Variants in MYRFL observed in about 807,000 individuals in gnomAD.
MYRFL encodes myelin regulatory factor like.
In MYRFL, 88 loss-of-function variants were observed where a neutral mutation model predicts 109.4. The ratio of observed to expected loss-of-function variants is 0.80; its 90% CI spans 0.68 to 0.96. The LOEUF (loss-of-function observed/expected upper bound fraction) is 0.96, where lower values mean the gene tolerates loss of function less well. MYRFL is among the 40% of genes least tolerant of loss of function. The pLI is 0.00. For missense variants in MYRFL, 957 were observed against 954.9 expected (o/e 1.00, Z -0.03); for synonymous variants, 324 against 320.9 (o/e 1.01, Z -0.10).
At chr12:69,917,801 A>G (rs781082685) in intron 13 of MYRFL, among the ~76,000 whole-genome samples, 2 of 152,062 alleles carry the variant, frequency 1.3e-5, no homozygotes, top group African/African-American at 2.4e-5. Flanking sequence ...TGAAAGGAAG[A>G]GAAGTGGTTT....
chr12:69,880,207 A>C lies in MYRFL; in HGVS notation c.471A>C (p.Ser157=), dbSNP rs1469508079. 1.4e-6 allele frequency: 1 copy of C among 702,534 alleles called. No individual in the cohort carries two copies. The highest frequency in any genetic ancestry group is 2.7e-5 in the East Asian group (1 of 37,294). The allele number at this position is 702,534 out of a possible 1,614,324, so 43.5% of individuals were successfully genotyped here. ...TTTGGTGTCTTGATTTTAGAGCCTC[A>C]TTGCCTCCAACCAAGAAGAGAAAGT... The part of the protein sequence containing the change: ...QQPLCHSPGA[S]LPPTKKRKCT... Residue 157 remains serine, a synonymous_variant, in exon 5 of 25, where the codon TCA becomes TCC. Transcript: ENST00000552032.
At chr12:69,927,125 A>G (rs555175573) in intron 14 of MYRFL, among the ~76,000 whole-genome samples, 1 of 151,400 alleles carries the variant, frequency 6.6e-6, no homozygotes, top group Admixed American at 6.6e-5. Flanking sequence ...TTGTATTTTT[A>G]GTAGAGACAG....
At chr12:69,882,815 GT>G (rs2136334298) in intron 5 of MYRFL, among the ~76,000 whole-genome samples, 1 of 152,246 alleles carries the variant, frequency 6.6e-6, no homozygotes, top group Admixed American at 6.5e-5. Context: ...ATACAAAAGG[GT>G]TTTCCAGCCC....
At chr12:69,831,437 G>C (rs185703622) in intron 1 of MYRFL, among the ~76,000 whole-genome samples, 205 of 152,242 alleles carry the variant, frequency 1.3e-3, no homozygotes, top group Non-Finnish European at 2.5e-3. Flanking sequence ...CTGTTGTCAA[G>C]CACTTACTAT....
chr12:69,880,258 G>A lies in MYRFL; in HGVS notation c.522G>A (p.Gly174=). The A allele has an allele frequency of 1.4e-6, 1 of 702,726 alleles. No homozygotes were observed. 43.5% of individuals were successfully genotyped at this position (702,726 alleles called of 1,614,324 possible). A position where few individuals can be genotyped will look rare whatever the true frequency, so the allele number is the denominator to read the frequency against. The part of the protein sequence containing the change: ...RKCTQALEDS[G]ECRVWACHCR... Reference sequence around the variant, plus strand: ...GCACGCAGGCACTGGAGGACTCCGGGGAATGCCGAGTGTGGGCCTGCCACT... The same window carrying A: ...GCACGCAGGCACTGGAGGACTCCGGAGAATGCCGAGTGTGGGCCTGCCACT... Residue 174 remains glycine, a synonymous_variant, in exon 5 of 25, where the codon GGG becomes GGA. Coordinates refer to ENST00000552032, the MANE Select transcript of MYRFL (RefSeq NM_182530.3).
intron 1 of MYRFL, among the ~76,000 whole-genome samples, chr12:69,839,157 C>A (rs1312443028): frequency 6.6e-6 from 1 of 152,178 alleles, no homozygotes; most frequent in Non-Finnish European, 1.5e-5. Flanking sequence ...GGCACACCCA[C>A]CTTCTTTCCT....
At chr12:69,834,084 A>G (rs997415610) in intron 1 of MYRFL, among the ~76,000 whole-genome samples, 10 of 152,184 alleles carry the variant, frequency 6.6e-5, no homozygotes, top group African/African-American at 2.4e-4. Context: ...TGCTCTGTGC[A>G]TAACAAAAAT....
intron 13 of MYRFL, among the ~76,000 whole-genome samples, chr12:69,923,876 T>G (rs1432058269): frequency 6.6e-6 from 1 of 152,104 alleles, no homozygotes; most frequent in South Asian, 2.1e-4. Context: ...ATTTTGTTTA[T>G]TTTTTATACA....
At chr12:69,941,128 G>A (rs1955628868) in intron 19 of MYRFL, among the ~76,000 whole-genome samples, 2 of 40,046 alleles carry the variant, frequency 5.0e-5, no homozygotes, top group African/African-American at 1.8e-4. Flanking sequence ...AGATCAATGA[G>A]ACAGAAAGTC....
At chr12:69,890,922 A>T (rs1466140117) in intron 6 of MYRFL, 49 bp from the exon 7 acceptor site, 2 of 1,348,368 alleles carry the variant, frequency 1.5e-6, no homozygotes, top group African/African-American at 2.9e-5. Flanking sequence ...ATGAAAATAA[A>T]TATATGGAAA....
At chr12:69,923,051 A>G (rs1954960936) in intron 13 of MYRFL, among the ~76,000 whole-genome samples, 2 of 152,222 alleles carry the variant, frequency 1.3e-5, no homozygotes, top group South Asian at 4.1e-4. Flanking sequence ...TGTCTCCCAA[A>G]GGTAAATAAT....
chr12:69,952,240 A>C, intron 20 of MYRFL, 65 bp downstream of exon 20: 1 of 1,406,570 alleles, frequency 7.1e-7, no homozygotes. Context: ...AACAAGTTGT[A>C]AAAGCATTGC....
intron 7 of MYRFL, among the ~76,000 whole-genome samples, chr12:69,893,404 G>T (rs1887032893): frequency 2.0e-5 from 3 of 152,208 alleles, no homozygotes; most frequent in African/African-American, 7.2e-5. Context: ...GCCTAAAGCA[G>T]TTCCTCGTAC....
intron 19 of MYRFL, 92 bp from the exon 20 acceptor site, chr12:69,952,021 C>T: frequency 9.7e-7 from 1 of 1,031,268 alleles, no homozygotes; most frequent in Non-Finnish European, 1.4e-6. Context: ...TGGGGGAACA[C>T]TCAACTCACA....
At chr12:69,857,652 C>T (rs866590127) in intron 2 of MYRFL, among the ~76,000 whole-genome samples, 76 of 150,676 alleles carry the variant, frequency 5.0e-4, no homozygotes, top group Admixed American at 1.4e-3. Flanking sequence ...GGTTTTTTTT[C>T]AATTTTTAGT....
chr12:69,926,741 G>A lies in MYRFL; in HGVS notation c.1766+7G>A, dbSNP rs746233081. On this transcript the variant is annotated splice_region_variant and intron_variant, in intron 14 of 24. Transcript: ENST00000552032. ...GTGAAGCAAGCACAATCAGGTACGTGCAGCCAGGATTGCCATAGAAATTTG... is the reference window on the plus strand; with the variant it reads ...GTGAAGCAAGCACAATCAGGTACGTACAGCCAGGATTGCCATAGAAATTTG... 2.1e-6 allele frequency: 3 copies of A among 1,439,620 alleles called. No homozygotes were observed. Among genetic ancestry groups the A allele is most frequent in the South Asian group, 3.0e-5 (2 of 66,186 alleles). 89.2% of individuals were successfully genotyped at this position (1,439,620 alleles called of 1,614,324 possible).
At chr12:69,826,150 G>A (rs76831874) in intron 1 of MYRFL, among the ~76,000 whole-genome samples, 2,408 of 152,164 alleles carry the variant, frequency 0.016, 29 homozygotes, top group Admixed American at 0.024. Flanking sequence ...GTGACGGGGC[G>A]TACCAAAGAA....
At chr12:69,925,385 T>C (rs901238200) in intron 13 of MYRFL, among the ~76,000 whole-genome samples, 3 of 152,200 alleles carry the variant, frequency 2.0e-5, no homozygotes, top group African/African-American at 7.2e-5. Context: ...TTCTGAGTGA[T>C]TGCTCTACAG....
At chr12:69,928,740 G>A (rs1486779814) in intron 15 of MYRFL, among the ~76,000 whole-genome samples, 1 of 152,190 alleles carries the variant, frequency 6.6e-6, no homozygotes, top group East Asian at 1.9e-4. Flanking sequence ...TTGTTGATGG[G>A]ATTTAAATTA....
Sources: allele counts gnomAD v4.1 joint callset (sites outside exome capture counted in the v4.1 genomes callset), GRCh38; gene constraint gnomAD v4.1.1; transcripts MANE v1.5; gene names NCBI Gene and HGNC (gene_info 2026-07-23, HGNC 2026-07-21).